The following CCNH variants were observed in gnomAD, a reference collection of about 807,000 sequenced individuals.
CCNH encodes cyclin H.
A neutral mutation model predicts 41.9 loss-of-function variants in CCNH; 31 were observed. The ratio of observed to expected loss-of-function variants is 0.74; its 90% CI spans 0.56 to 1.00. The LOEUF is 1.00. Ranked by LOEUF, CCNH falls within the 50% of genes least tolerant of loss-of-function variation. The pLI, the probability that CCNH is intolerant of heterozygous loss-of-function variation, is 0.00. For missense variants in CCNH, 362 were observed against 388.4 expected, an observed-to-expected ratio of 0.93 and a Z score of 0.57; for synonymous variants, 138 against 136.1, an observed-to-expected ratio of 1.01 and a Z score of -0.10.
chr5:87,390,654 T>C (rs1270554812), downstream of CCNH: 2 of 724,096 alleles, frequency 2.8e-6, no homozygotes, highest in Non-Finnish European at 5.0e-6. Context: ...AATGACTGAA[T>C]AATAGAGACT....
At chr5:87,409,243 TA>T in intron 3 of CCNH, 46 bp downstream of exon 3, 1 of 1,097,128 alleles carries the variant, frequency 9.1e-7, no homozygotes, top group Non-Finnish European at 1.4e-6. Flanking sequence ...CAAAAGATTA[TA>T]AAGGTCTTCT....
downstream of CCNH, among the ~76,000 whole-genome samples, chr5:87,371,379 CAAACTA>C (rs537106941): frequency 6.6e-6 from 1 of 151,972 alleles, no homozygotes; most frequent in Non-Finnish European, 1.5e-5. Flanking sequence ...AAATAGCCAA[CAAACTA>C]AAGACATAAT....
intron 5 of CCNH, among the ~76,000 whole-genome samples, chr5:87,403,609 A>G (rs1383481673): frequency 1.3e-5 from 2 of 151,866 alleles, no homozygotes; most frequent in Non-Finnish European, 2.9e-5. Flanking sequence ...GGAAACCCCA[A>G]CTCTACAAAA....
chr5:87,394,585 TG>T (rs1019094867), intron 8 of CCNH, 101 bp from the exon 9 acceptor site: 40 of 1,567,486 alleles, frequency 2.6e-5, no homozygotes, highest in Non-Finnish European at 3.4e-5. Context: ...CTTTTACCCA[TG>T]TGGATTACAA....
intron 9 of CCNH, among the ~76,000 whole-genome samples, chr5:87,321,563 G>A (rs951221097): frequency 3.9e-5 from 6 of 152,132 alleles, no homozygotes; most frequent in Admixed American, 2.0e-4. Flanking sequence ...AGAGAAACAC[G>A]TTTACTGGTT....
At position 87,338,088 on chromosome 5, in the gene CCNH, G is replaced by C. The variant is rs1758103041; in HGVS notation, c.*91-19191C>G. 6.2e-7 allele frequency: 1 copy of C among 1,612,106 alleles called. No individual in the cohort carries two copies. The stretch of plus-strand genomic sequence containing the variant: ...TTATTGTTGAAGACCTAGTAGAAGA[G>C]GTGGTAAGTTTTGTTCTTTTCTTCT... On this transcript the variant is annotated intron_variant and NMD_transcript_variant, in intron 9 of 9. Coordinates refer to the CCNH transcript ENST00000645953.
At chr5:87,338,536 A>ATTTTTTTTTTTTTTTT (rs1232583853) in intron 9 of CCNH, among the ~76,000 whole-genome samples, 3 of 85,222 alleles carry the variant, frequency 3.5e-5, no homozygotes, top group Admixed American at 1.3e-4. Flanking sequence ...TATATATAAA[A>ATTTTTTTTTTTTTTTT]TTTTTTTTTT....
chr5:87,374,442 C>CAT (rs772543160), downstream of CCNH: 1,566 of 282,828 alleles, frequency 5.5e-3, 8 homozygotes, highest in East Asian at 9.3e-3. Context: ...GTTCTAATAG[C>CAT]ATATATATAT....
chr5:87,401,334 T>C (rs937600461), intron 6 of CCNH, among the ~76,000 whole-genome samples: 4 of 152,258 alleles, frequency 2.6e-5, no homozygotes, highest in African/African-American at 9.6e-5. Flanking sequence ...AAAAAAATAA[T>C]TTATCTACAA....
chr5:87,394,893 C>T, intron 8 of CCNH, 151 bp downstream of exon 8: 1 of 1,475,206 alleles, frequency 6.8e-7, no homozygotes, highest in Non-Finnish European at 8.9e-7. Context: ...TAATAATGGA[C>T]AACAGTACTG....
At chr5:87,398,801 G>A (rs373087822) in intron 7 of CCNH, among the ~76,000 whole-genome samples, 6 of 151,748 alleles carry the variant, frequency 4.0e-5, no homozygotes, top group Middle Eastern at 3.2e-3. Flanking sequence ...ATGAAACCCC[G>A]TCTCTACTAA....
downstream of CCNH, chr5:87,374,729 G>T (rs1264492358): frequency 5.2e-6 from 6 of 1,151,974 alleles, no homozygotes; most frequent in South Asian, 1.7e-5. Flanking sequence ...CTAGCACACT[G>T]TTTTTTTTTT....
chr5:87,412,616 G>C, intron 1 of CCNH, 62 bp downstream of exon 1: 1 of 1,591,790 alleles, frequency 6.3e-7, no homozygotes, highest in Non-Finnish European at 8.6e-7. Context: ...AGCCAGAAGA[G>C]CTCCCGCAGC....
Position 87,394,297 on chromosome 5 carries a change from C to T in CCNH, c.*149G>A, listed in dbSNP as rs957156410. 1 of 1,353,880 alleles carries T rather than the reference C, an allele frequency of 7.4e-7. No individual in the cohort carries two copies. Among genetic ancestry groups the T allele is most frequent in the African/African-American group, 1.5e-5 (1 of 67,118 alleles). The allele number at this position is 1,353,880 out of a possible 1,614,324, so 83.9% of individuals were successfully genotyped here. A position where few individuals can be genotyped will look rare whatever the true frequency, so the allele number is the denominator to read the frequency against. On this transcript the variant is annotated 3_prime_UTR_variant, in exon 9 of 9. Transcript: ENST00000256897. The stretch of plus-strand genomic sequence containing the variant: ...GCTCTTTTGAAGATGGTTTATTTTA[C>T]ATAAAGTTACTGTGAAAGGGAAAGA...
intron 9 of CCNH, chr5:87,369,958 T>C (rs906620003): frequency 7.3e-7 from 1 of 1,360,596 alleles, no homozygotes; most frequent in South Asian, 1.2e-5. Context: ...TGTTTTCTTA[T>C]TAACTGGAAT....
At chr5:87,402,701 A>G (rs185031273) in intron 5 of CCNH, among the ~76,000 whole-genome samples, 1 of 152,284 alleles carries the variant, frequency 6.6e-6, no homozygotes, top group Admixed American at 6.5e-5. Flanking sequence ...TTGGATCTGA[A>G]AATCAGGAAA....
chr5:87,330,613 C>G (rs550579374), intron 9 of CCNH, among the ~76,000 whole-genome samples: 1 of 152,254 alleles, frequency 6.6e-6, no homozygotes, highest in South Asian at 2.1e-4. Context: ...CTTTTATAGG[C>G]ATACTTGGTA....
chr5:87,395,122 T>G lies in CCNH; in HGVS notation c.873-18A>C. 1 of 1,603,640 alleles carries G rather than the reference T, an allele frequency of 6.2e-7. No individual in the cohort carries two copies. Among genetic ancestry groups the G allele is most frequent in the Non-Finnish European group, 8.5e-7 (1 of 1,173,896 alleles). Reference sequence around the variant, plus strand: ...TCTTCTTCCTATAATTAAGCAACTATCAATAAGCAATCCAATACCAGCCAC... The same window carrying G: ...TCTTCTTCCTATAATTAAGCAACTAGCAATAAGCAATCCAATACCAGCCAC... On this transcript the variant is annotated intron_variant, in intron 7 of 8. Coordinates refer to ENST00000256897, the MANE Select transcript of CCNH (RefSeq NM_001239.4).
At chr5:87,396,293 G>C (rs1762955326) in intron 7 of CCNH, among the ~76,000 whole-genome samples, 1 of 152,046 alleles carries the variant, frequency 6.6e-6, no homozygotes, top group Admixed American at 6.5e-5. Context: ...GATACTGAAG[G>C]ATGACTGTAT....
Sources: allele counts gnomAD v4.1 joint callset (sites outside exome capture counted in the v4.1 genomes callset), GRCh38; gene constraint gnomAD v4.1.1; transcripts MANE v1.5; gene names NCBI Gene and HGNC (gene_info 2026-07-23, HGNC 2026-07-21).